Variants in EBLN1 observed in about 807,000 individuals in gnomAD.
The protein encoded by EBLN1 is endogenous Bornavirus-like nucleoprotein 1.
EBLN1 carries 1 observed loss-of-function variant against 0.8 expected under a neutral mutation model. The ratio of observed to expected loss-of-function variants is 1.32; its 90% CI spans 0.47 to 6.26. The LOEUF is 6.26. Among genes scored for constraint, EBLN1 ranks in the 30% most tolerant of loss-of-function variants. EBLN1 has a pLI of 0.15. For synonymous variants in EBLN1, 158 were observed against 158.5 expected, an observed-to-expected ratio of 1.00 and a Z score of 0.02; for missense variants, 396 against 447.9, an observed-to-expected ratio of 0.88 and a Z score of 1.05.
At position 22,209,539 on chromosome 10, in the gene EBLN1, C is replaced by T. The variant is rs838759; in HGVS notation, c.445G>A (p.Gly149Arg). Residue 149 changes from glycine (G) to arginine (R), a missense_variant, in exon 3 of 3, where the codon GGA becomes AGA. Transcript: ENST00000422359. The part of the protein sequence containing the change: ...HCCDLIGIAA[G>R]SSDPICTNSL... ...TTGGTGCATATCGGGTCACTCGATC[C>T]GGCAGCAATGCCTATCAGATCACAG... 366,756 of 1,559,946 alleles carry T rather than the reference C, an allele frequency of 0.24. 44,016 individuals are homozygous for T. Among genetic ancestry groups the T allele is most frequent in the African/African-American group, 0.28 (19,944 of 72,216 alleles).
chr10:22,216,903 TAA>T (rs1391168803), intron 1 of EBLN1, among the ~76,000 whole-genome samples: 1 of 152,166 alleles, frequency 6.6e-6, no homozygotes, highest in African/African-American at 2.4e-5. Flanking sequence ...TGATTTTCCT[TAA>T]GACTATTTTA....
In EBLN1 at chr10:22,209,045, A is replaced by T. The variant is rs549812845; in HGVS notation, c.939T>A (p.Asn313Lys). Residue 313 changes from asparagine (N) to lysine (K), a missense_variant, in exon 3 of 3, where the codon AAT (asparagine) becomes AAA (lysine). Physicochemically the swap from Asn to Lys is moderately conservative, Grantham distance 94 (BLOSUM62 0). Transcript: ENST00000422359. Reference protein sequence around the residue: ...TAANYWAKRRNSTFSGFEALD... With the variant: ...TAANYWAKRRKSTFSGFEALD... ...GGGCTTCAAATCCAGAAAATGTGGA[A>T]TTCCTTCTTTTGGCCCAGTAGTTTG... is the stretch of plus-strand genomic sequence containing the variant. 1.3e-6 allele frequency: 2 copies of T among 1,536,308 alleles called. No homozygotes were observed. Among genetic ancestry groups the T allele is most frequent in the Non-Finnish European group, 1.7e-6 (2 of 1,146,912 alleles).
intron 1 of EBLN1, among the ~76,000 whole-genome samples, chr10:22,214,334 C>G (rs969317878): frequency 2.7e-5 from 4 of 147,688 alleles, no homozygotes; most frequent in African/African-American, 5.1e-5. Flanking sequence ...AGGACTCACT[C>G]TGTCACCCAG....
At position 22,209,486 on chromosome 10, in the gene EBLN1, C is replaced by T. The variant is rs765196818; in HGVS notation, c.498G>A (p.Lys166=). The T allele has an allele frequency of 1.8e-5, 29 of 1,594,294 alleles. No individual in the cohort carries two copies. The South Asian group carries it at 3.2e-4, about 18-fold the overall frequency. Residue 166 remains lysine, a synonymous_variant, in exon 3 of 3, where the codon AAG becomes AAA. Coordinates refer to ENST00000422359, the MANE Select transcript of EBLN1 (RefSeq NM_001394757.1). ...GTCTTCCAATGGATATCATCATTGC[C>T]TTGAATTGTCTCTGTACTTGGAGGC... ...TNSLQVQRQF[K]AMMISIGRPL...
rs762221139 is a variant in EBLN1 at position 22,209,331 on chromosome 10, G to A, written c.653C>T (p.Ala218Val). The A allele has an allele frequency of 3.4e-5, 55 of 1,603,088 alleles. No homozygotes were observed. Among genetic ancestry groups the A allele is most frequent in the Non-Finnish European group, 2.4e-5 (28 of 1,179,792 alleles). Reference protein sequence around the residue: ...TFLFGEFESPACELLDQVKVV... With the variant: ...TFLFGEFESPVCELLDQVKVV... The stretch of plus-strand genomic sequence containing the variant: ...TTTAACTTGATCAAGTAGCTCGCAC[G>A]CAGGGGATTCAAATTCTCCAAATAG... The change falls in exon 3 of 3, where the codon GCG becomes GTG. Residue 218 changes from alanine (A) to valine (V), a missense_variant. Physicochemically the swap from Ala to Val is moderately conservative, Grantham distance 64 (BLOSUM62 0). Transcript: ENST00000422359.
rs760723828 is a variant in EBLN1 at position 22,209,354 on chromosome 10, T to C, written c.630A>G (p.Leu210=). The change falls in exon 3 of 3, where the codon CTA becomes CTG. Residue 210 remains leucine (L), a synonymous_variant. Transcript: ENST00000422359. Reference sequence around the variant, plus strand: ...ACGCAGGGGATTCAAATTCTCCAAATAGAAATGTGAACATTAATCCTCCAA... The same window carrying C: ...ACGCAGGGGATTCAAATTCTCCAAACAGAAATGTGAACATTAATCCTCCAA... ...PWVGGLMFTF[L]FGEFESPACE... The C allele has an allele frequency of 5.6e-6, 9 of 1,605,240 alleles. No individual in the cohort carries two copies. The highest frequency in any genetic ancestry group is 1.3e-5 in the African/African-American group (1 of 74,938).
At position 22,209,280 on chromosome 10, in the gene EBLN1, A is replaced by G. The variant is rs2243897; in HGVS notation, c.704T>C (p.Met235Thr). The G allele has an allele frequency of 0.26, 419,449 of 1,589,788 alleles. 58,483 individuals carry two copies. The highest frequency in any genetic ancestry group is 0.5 in the African/African-American group (37,348 of 74,896). ...VKVVASKAQM[M>T]TYYTVRMFLD... ...GAACATTCTCACAGTGTAGTAGGTC[A>G]TCATCTGTGCTTTGCTGGCAACTAC... The change falls in exon 3 of 3, where the codon ATG becomes ACG. Residue 235 changes from methionine (M) to threonine (T), a missense_variant. Transcript: ENST00000422359.
chr10:22,214,290 T>C (rs942321149), intron 1 of EBLN1, among the ~76,000 whole-genome samples: 5 of 149,448 alleles, frequency 3.3e-5, no homozygotes, highest in Middle Eastern at 3.4e-3. Context: ...TTTTGATTTT[T>C]TGTTTTACTT....
In EBLN1 at chr10:22,208,855, T is replaced by A. The variant is rs1218219485; in HGVS notation, c.*28A>T. On this transcript the variant is annotated 3_prime_UTR_variant, in exon 3 of 3. Transcript: ENST00000422359. ...TTTTCACATAATTTCTTTTTATATG[T>A]ATATATAAGGATTAGTTCACGTATT... 2.0e-6 allele frequency: 3 copies of A among 1,476,480 alleles called. No homozygotes were observed. The African/African-American group carries it at 4.2e-5, about 21-fold the overall frequency. The allele number at this position is 1,476,480 out of a possible 1,614,324, so 91.5% of individuals were successfully genotyped here.
Position 22,209,090 on chromosome 10 carries a change from G to C in EBLN1, c.894C>G (p.Phe298Leu), listed in dbSNP as rs1250127925. 6.5e-7 allele frequency: 1 copy of C among 1,536,552 alleles called. No individual in the cohort carries two copies. Residue 298 changes from phenylalanine to leucine, a missense_variant, in exon 3 of 3, where the codon TTC (phenylalanine) becomes TTG (leucine). Phe to Leu is a conservative substitution (Grantham distance 22). Coordinates refer to ENST00000422359, the MANE Select transcript of EBLN1 (RefSeq NM_001394757.1). The stretch of plus-strand genomic sequence containing the variant: ...AGTTTGCTGCTGTTGCTAGGTTTGG[G>C]AACATTTGTGGTGATAGCACCCCAA... ...PVIGVLSPQMFPNLATAANYW... is the reference protein window; with the variant it reads ...PVIGVLSPQMLPNLATAANYW...
chr10:22,210,370 T>C (rs1034339260), intron 2 of EBLN1, among the ~76,000 whole-genome samples: 2 of 152,140 alleles, frequency 1.3e-5, no homozygotes. Flanking sequence ...ATGTCATCTT[T>C]TAAAACATCG....
At chr10:22,211,072 A>G (rs1054749370) in intron 2 of EBLN1, among the ~76,000 whole-genome samples, 17 of 152,344 alleles carry the variant, frequency 1.1e-4, no homozygotes, top group African/African-American at 4.1e-4. Flanking sequence ...CATGCTAATC[A>G]CAATATTCCA....
At position 22,212,826 on chromosome 10, in the gene EBLN1, G is replaced by A. The variant is rs1269130570; in HGVS notation, c.-45+16C>T. Reference sequence around the variant, plus strand: ...GTGTTTTTTTTTTTAAATTAGCTGGGCATGGTGGCACGTACCTGCAGTCCT... The same window carrying A: ...GTGTTTTTTTTTTTAAATTAGCTGGACATGGTGGCACGTACCTGCAGTCCT... On this transcript the variant is annotated intron_variant, in intron 2 of 2. Transcript: ENST00000422359. Among the ~76,000 whole-genome samples, 1 of 150,890 alleles carries A rather than the reference G, an allele frequency of 6.6e-6. No individual in the cohort carries two copies. Among genetic ancestry groups the A allele is most frequent in the Non-Finnish European group, 1.5e-5 (1 of 67,726 alleles).
intron 2 of EBLN1, among the ~76,000 whole-genome samples, chr10:22,211,729 G>C (rs1331867179): frequency 6.6e-6 from 1 of 152,026 alleles, no homozygotes; most frequent in African/African-American, 2.4e-5. Context: ...CTGACCTCAA[G>C]TAATCTGGCC....
intron 1 of EBLN1, among the ~76,000 whole-genome samples, chr10:22,215,833 T>A (rs1228687041): frequency 6.6e-6 from 1 of 152,130 alleles, no homozygotes; most frequent in East Asian, 1.9e-4. Flanking sequence ...AATAGTTAAG[T>A]GTGCTGTGGT....
At chr10:22,212,449 G>C (rs1834762743) in intron 2 of EBLN1, among the ~76,000 whole-genome samples, 1 of 151,982 alleles carries the variant, frequency 6.6e-6, no homozygotes, top group Non-Finnish European at 1.5e-5. Flanking sequence ...TTTTTTATTT[G>C]TTTTGTAAAT....
At position 22,209,461 on chromosome 10, in the gene EBLN1, G is replaced by T; in HGVS notation, c.523C>A (p.Pro175Thr). ...AAATCAGCACTTTCACTATGCAAAG[G>T]TCTTCCAATGGATATCATCATTGCC... ...FKAMMISIGR[P>T]LHSESADLLI... Residue 175 changes from proline (P) to threonine (T), a missense_variant, in exon 3 of 3, where the codon CCT becomes ACT. Transcript: ENST00000422359. 6.3e-7 allele frequency: 1 copy of T among 1,597,734 alleles called. No individual in the cohort carries two copies. Among genetic ancestry groups the T allele is most frequent in the Non-Finnish European group, 8.5e-7 (1 of 1,179,360 alleles).
intron 2 of EBLN1, among the ~76,000 whole-genome samples, chr10:22,211,648 T>G (rs1396381851): frequency 1.3e-5 from 2 of 152,038 alleles, no homozygotes; most frequent in African/African-American, 2.4e-5. Context: ...CTTGCCAGTA[T>G]GCCATCTAAT....
intron 2 of EBLN1, among the ~76,000 whole-genome samples, 39 bp downstream of exon 2, chr10:22,212,803 G>T (rs2478474): frequency 0.25 from 35,851 of 145,544 alleles, 4,443 homozygotes; most frequent in African/African-American, 0.27. Context: ...AAAAAGTTGT[G>T]TTTTTTTTTT....
Sources: allele counts gnomAD v4.1 joint callset (sites outside exome capture counted in the v4.1 genomes callset), GRCh38; gene constraint gnomAD v4.1.1; transcripts MANE v1.5; gene names NCBI Gene and HGNC (gene_info 2026-07-23, HGNC 2026-07-21).